APC: variants seen among roughly 807,000 people sequenced by gnomAD.
The protein encoded by APC is adenomatous polyposis coli protein.
In APC, 72 loss-of-function variants were observed where a neutral mutation model predicts 247.0. That is an observed-to-expected ratio of 0.29 (90% confidence interval 0.24 to 0.35). The LOEUF (loss-of-function observed/expected upper bound fraction) is 0.35, where lower values mean the gene tolerates loss of function less well. Ranked by LOEUF, APC falls within the 10% of genes least tolerant of loss-of-function variation. APC has a pLI of 1.00. For missense variants in APC, 3,400 were observed against 3,360.7 expected, an observed-to-expected ratio of 1.01 and a Z score of -0.29; for synonymous variants, 1,254 against 1,162.5, an observed-to-expected ratio of 1.08 and a Z score of -1.60.
At position 112,838,562 on chromosome 5, in the gene APC, G is replaced by GATGAAA; in HGVS notation, c.2969_2974dup (p.Glu991_Ser992insAsnGlu). The GATGAAA allele has an allele frequency of 6.2e-7, 1 of 1,614,190 alleles. No individual in the cohort carries two copies. The highest frequency in any genetic ancestry group is 8.5e-7 in the Non-Finnish European group (1 of 1,180,036). ...CTCGATTGAATCCTATTCTGAAGAT[G>GATGAAA]ATGAAAGTAAGTTTTGCAGTTATGG... On this transcript the variant is annotated inframe_insertion, in exon 16 of 16. Coordinates refer to ENST00000257430, the MANE Select transcript of APC (RefSeq NM_000038.6).
chr5:112,744,392 T>A (rs1753404397), intron 1 of APC, among the ~76,000 whole-genome samples: 3 of 152,228 alleles, frequency 2.0e-5, no homozygotes, highest in African/African-American at 7.2e-5. Context: ...TTTATATGGC[T>A]GTCGCTGAGT....
intron 10 of APC, among the ~76,000 whole-genome samples, chr5:112,819,828 T>C (rs1031177061): frequency 3.9e-5 from 6 of 152,162 alleles, no homozygotes; most frequent in African/African-American, 1.4e-4. Context: ...AGGGAAGGTA[T>C]TATCATCTCC....
intron 1 of APC, among the ~76,000 whole-genome samples, chr5:112,742,465 G>A (rs1200405976): frequency 1.3e-5 from 2 of 152,174 alleles, no homozygotes; most frequent in African/African-American, 4.8e-5. Context: ...GTCTGACTGA[G>A]GCAGGATCTC....
intron 1 of APC, among the ~76,000 whole-genome samples, chr5:112,744,311 C>G (rs1421031755): frequency 2.6e-5 from 4 of 152,212 alleles, no homozygotes; most frequent in African/African-American, 7.2e-5. Flanking sequence ...CTTGTGCCCT[C>G]TCTTTCTGTT....
intron 8 of APC, among the ~76,000 whole-genome samples, chr5:112,812,948 G>A (rs559400868): frequency 2.0e-5 from 3 of 152,236 alleles, no homozygotes; most frequent in Non-Finnish European, 2.9e-5. Flanking sequence ...CCCTAAGGAG[G>A]ATTACTAATT....
intron 5 of APC, among the ~76,000 whole-genome samples, chr5:112,778,689 G>GGCT (rs1554072144): frequency 3.1e-5 from 1 of 32,558 alleles, no homozygotes; most frequent in Non-Finnish European, 6.8e-5. Context: ...TGGGACTACA[G>GGCT]CATGCCACCA....
chr5:112,791,873 G>A (rs1199104129), intron 6 of APC, among the ~76,000 whole-genome samples: 1 of 152,110 alleles, frequency 6.6e-6, no homozygotes, highest in Non-Finnish European at 1.5e-5. Flanking sequence ...CATACAATTT[G>A]ATATATGACT....
chr5:112,726,447 A>G (rs1279009249), intron 1 of APC, among the ~76,000 whole-genome samples: 1 of 152,204 alleles, frequency 6.6e-6, no homozygotes, highest in African/African-American at 2.4e-5. Flanking sequence ...CTCGGCGTTC[A>G]AACATTCCTT....
intron 9 of APC, among the ~76,000 whole-genome samples, chr5:112,816,610 A>T (rs1762536660): frequency 6.6e-6 from 1 of 151,976 alleles, no homozygotes; most frequent in Non-Finnish European, 1.5e-5. Flanking sequence ...CCTGACCAAC[A>T]TGGTGAAACC....
At chr5:112,749,145 A>G (rs897405254) in intron 1 of APC, among the ~76,000 whole-genome samples, 1 of 152,226 alleles carries the variant, frequency 6.6e-6, no homozygotes, top group Admixed American at 6.5e-5. Context: ...TTCCTGGAAT[A>G]AACTCAGCTT....
chr5:112,734,822 G>C (rs190093297), upstream of APC, among the ~76,000 whole-genome samples: 125 of 144,882 alleles, frequency 8.6e-4, no homozygotes, highest in African/African-American at 3.1e-3. Flanking sequence ...ATAGAGTCTT[G>C]CTTTGTCACT....
intron 2 of APC, among the ~76,000 whole-genome samples, chr5:112,765,704 A>G (rs1199365578): frequency 1.3e-5 from 2 of 152,326 alleles, no homozygotes; most frequent in East Asian, 3.9e-4. Context: ...ATGGCAGAAA[A>G]ACTGGTAGAA....
chr5:112,731,525 G>A (rs1055379598), intron 1 of APC, among the ~76,000 whole-genome samples: 20 of 152,118 alleles, frequency 1.3e-4, no homozygotes, highest in African/African-American at 4.6e-4. Context: ...AGGGTGGAAC[G>A]TGAATACCTC....
chr5:112,741,584 A>G (rs1753028739), intron 1 of APC, among the ~76,000 whole-genome samples: 1 of 152,208 alleles, frequency 6.6e-6, no homozygotes, highest in African/African-American at 2.4e-5. Context: ...TGTTTTTTAC[A>G]GTTAATGAGA....
At chr5:112,725,751 C>A (rs11749701) in intron 1 of APC, among the ~76,000 whole-genome samples, 2 of 151,736 alleles carry the variant, frequency 1.3e-5, no homozygotes, top group South Asian at 2.1e-4. Flanking sequence ...ACAGTGAGAC[C>A]CTATCTCAAA....
At chr5:112,835,689 CAGCTTCCCAACAA>C (rs1465041268) in intron 15 of APC, among the ~76,000 whole-genome samples, 1 of 151,574 alleles carries the variant, frequency 6.6e-6, no homozygotes, top group African/African-American at 2.4e-5. Context: ...TCTCCCACCT[CAGCTTCCCAACAA>C]GCTGGGACTA....
rs1433119360 is a variant in APC, at chr5:112,841,706, C to G, written c.6112C>G (p.Leu2038Val). The change falls in exon 16 of 16, where the codon CTG (leucine) becomes GTG (valine). Residue 2038 changes from leucine (L) to valine (V), a missense_variant. By Grantham distance (32) the Leu-to-Val change is conservative. Around this residue, in one of 9 missense-constraint regions of APC, gnomAD observed 1,788 missense variants for 1,649.5 expected, o/e 1.08. Coordinates refer to ENST00000257430, the MANE Select transcript of APC (RefSeq NM_000038.6). This position sits in a 1 kb window ranked among gnomAD's most constrained non-coding sequence, Gnocchi z 4.6. Reference protein sequence around the residue: ...SSLSIDSEDDLLQECISSAMP... With the variant: ...SSLSIDSEDDVLQECISSAMP... ...TCTTAGTATTGACTCTGAAGATGAC[C>G]TGTTGCAGGAATGTATAAGCTCCGC... 2 of 1,613,734 alleles carry G rather than the reference C, an allele frequency of 1.2e-6. No homozygotes were observed. The highest frequency in any genetic ancestry group is 4.5e-5 in the East Asian group (2 of 44,880).
intron 2 of APC, among the ~76,000 whole-genome samples, chr5:112,765,751 CAAGA>C (rs1388864631): frequency 1.3e-5 from 2 of 151,958 alleles, no homozygotes; most frequent in African/African-American, 4.8e-5. Flanking sequence ...AAAAAATGAT[CAAGA>C]AAGGGATTAC....
chr5:112,786,691 C>A lies in APC; in HGVS notation c.646-5755C>A, dbSNP rs1429181517. ...TTTTCAGTTAAAAACAGCACATGTA[C>A]CCTAAAACTTAAAGTATTAAAAAAG... On this transcript the variant is annotated intron_variant, in intron 6 of 15. Transcript: ENST00000257430. 2.6e-5 allele frequency among the ~76,000 whole-genome samples: 4 copies of A among 152,188 alleles called. 1 individual carries two copies. In the East Asian group the frequency reaches 7.7e-4, roughly 29 times the overall value.
Sources: allele counts gnomAD v4.1 joint callset (sites outside exome capture counted in the v4.1 genomes callset), GRCh38; gene constraint gnomAD v4.1.1; regional missense constraint gnomAD v4.1.1; non-coding constraint Gnocchi (gnomAD v3.1); transcripts MANE v1.5; gene names NCBI Gene and HGNC (gene_info 2026-07-23, HGNC 2026-07-21).